MTUS2: variants seen among roughly 807,000 people sequenced by gnomAD.
The protein encoded by MTUS2 is microtubule associated scaffold protein 2.
In MTUS2, 40 loss-of-function variants were observed where a neutral mutation model predicts 114.1. The observed-to-expected ratio is 0.35, with a 90% CI of 0.27 to 0.46. The LOEUF is 0.46. Among genes scored for constraint, MTUS2 ranks in the 20% least tolerant of loss-of-function variants. The pLI is 1.00. For synonymous variants in MTUS2, 688 were observed against 672.0 expected (o/e 1.02, Z -0.37); for missense variants, 1,679 against 1,705.4 (o/e 0.98, Z 0.27).
chr13:28,856,952 GT>G (rs10711846), intron 2 of MTUS2, among the ~76,000 whole-genome samples: 123,907 of 152,118 alleles, frequency 0.81, 50,917 homozygotes, highest in African/African-American at 0.84. Context: ...CATTTATAGT[GT>G]TGCTAACACA....
At chr13:29,041,362 G>A (rs780339557) in intron 4 of MTUS2, among the ~76,000 whole-genome samples, 2 of 152,166 alleles carry the variant, frequency 1.3e-5, no homozygotes, top group African/African-American at 2.4e-5. Flanking sequence ...TTATGGTATA[G>A]TTTGAAGTCA....
chr13:29,436,298 GC>G (rs2138664556), intron 8 of MTUS2, among the ~76,000 whole-genome samples: 1 of 152,126 alleles, frequency 6.6e-6, no homozygotes, highest in East Asian at 1.9e-4. Flanking sequence ...GGAAACTCCT[GC>G]CTTTGCCATT....
intron 5 of MTUS2, among the ~76,000 whole-genome samples, chr13:29,140,648 GT>G (rs1018615402): frequency 6.6e-6 from 1 of 152,064 alleles, no homozygotes; most frequent in Non-Finnish European, 1.5e-5. Context: ...TCATTCGTTT[GT>G]TTTTTTCACC....
chr13:29,214,266 G>A (rs1023555843), intron 5 of MTUS2, among the ~76,000 whole-genome samples: 4 of 151,616 alleles, frequency 2.6e-5, no homozygotes, highest in Middle Eastern at 3.2e-3. Flanking sequence ...CATGTGAGAC[G>A]GGTCTCCTGA....
intron 8 of MTUS2, among the ~76,000 whole-genome samples, chr13:29,377,210 A>T (rs1871822073): frequency 6.6e-6 from 1 of 152,200 alleles, no homozygotes; most frequent in Non-Finnish European, 1.5e-5. Context: ...TAGGCAGAAA[A>T]TTACCAAGGA....
In MTUS2 at chr13:29,389,983, GTA is replaced by G. The variant is rs1221436677; in HGVS notation, c.3117+30512_3117+30513del. Among the ~76,000 whole-genome samples, 15 of 20,826 alleles carry G rather than the reference GTA, an allele frequency of 7.2e-4. 7 individuals carry two copies. Among genetic ancestry groups the G allele is most frequent in the Non-Finnish European group, 1.7e-3 (15 of 8,772 alleles). 13.7% of individuals were successfully genotyped at this position (20,826 alleles called of 152,430 possible). On this transcript the variant is annotated intron_variant, in intron 8 of 15. Coordinates refer to ENST00000612955, the MANE Select transcript of MTUS2 (RefSeq NM_001033602.4). Reference sequence around the variant, plus strand: ...TATATCTGTGTATATACACATACATGTATGTGTATGTATGTATGTGTATATAT... The same window carrying G: ...TATATCTGTGTATATACACATACATGTGTGTATGTATGTATGTGTATATAT...
At position 29,247,497 on chromosome 13, in the gene MTUS2, A is replaced by G. The variant is rs143913120; in HGVS notation, c.2645-34207A>G. ...CCACAGAGTCGGAGAAAATCTTTGCAAACTATGCATCTGATAAAGGACTAA... is the reference window on the plus strand; with the variant it reads ...CCACAGAGTCGGAGAAAATCTTTGCGAACTATGCATCTGATAAAGGACTAA... On this transcript the variant is annotated intron_variant, in intron 5 of 15. Transcript: ENST00000612955. 6.3e-3 allele frequency among the ~76,000 whole-genome samples: 965 copies of G among 152,344 alleles called. 8 individuals carry two copies. The highest frequency in any genetic ancestry group is 0.02 in the African/African-American group (843 of 41,568).
intron 2 of MTUS2, among the ~76,000 whole-genome samples, chr13:28,940,428 A>G (rs1882165208): frequency 6.6e-6 from 1 of 152,220 alleles, no homozygotes; most frequent in African/African-American, 2.4e-5. Flanking sequence ...CCATACAGAC[A>G]GCAAATTGGT....
intron 8 of MTUS2, among the ~76,000 whole-genome samples, chr13:29,397,522 C>G (rs570285882): frequency 3.5e-4 from 53 of 152,284 alleles, no homozygotes; most frequent in African/African-American, 1.3e-3. Flanking sequence ...GGTCTCAGGC[C>G]CCATCCTAGG....
chr13:28,858,120 A>G (rs1876750503), intron 2 of MTUS2, among the ~76,000 whole-genome samples: 1 of 152,214 alleles, frequency 6.6e-6, no homozygotes. Context: ...TTTCCCTTAG[A>G]GGCTAGGTCT....
At chr13:29,345,849 C>G (rs185349805) in intron 7 of MTUS2, among the ~76,000 whole-genome samples, 3 of 151,978 alleles carry the variant, frequency 2.0e-5, no homozygotes, top group Non-Finnish European at 2.9e-5. Flanking sequence ...CAGGGTGCTC[C>G]CTTGATGTGG....
chr13:29,162,591 A>T (rs1893145676), intron 5 of MTUS2, among the ~76,000 whole-genome samples: 1 of 152,228 alleles, frequency 6.6e-6, no homozygotes, highest in African/African-American at 2.4e-5. Context: ...ATACCAAGTG[A>T]TCAGTTAAAA....
chr13:29,422,908 G>GCGTGAGT (rs1357242817), intron 8 of MTUS2, among the ~76,000 whole-genome samples: 2 of 152,146 alleles, frequency 1.3e-5, no homozygotes, highest in South Asian at 2.1e-4. Flanking sequence ...GGGATTACAG[G>GCGTGAGT]CGTGAGTCAC....
chr13:28,868,798 T>G (rs1310783741), intron 2 of MTUS2, among the ~76,000 whole-genome samples: 1 of 152,100 alleles, frequency 6.6e-6, no homozygotes, highest in African/African-American at 2.4e-5. Context: ...ATAAATTCAG[T>G]TTTATATAAG....
At chr13:29,129,128 T>C (rs1385586297) in intron 5 of MTUS2, among the ~76,000 whole-genome samples, 2 of 152,126 alleles carry the variant, frequency 1.3e-5, no homozygotes, top group Non-Finnish European at 2.9e-5. Flanking sequence ...TTTATAAATA[T>C]TTAGTACTAT....
At chr13:29,470,742 A>C (rs1166340492) in intron 9 of MTUS2, among the ~76,000 whole-genome samples, 1 of 152,086 alleles carries the variant, frequency 6.6e-6, no homozygotes, top group Non-Finnish European at 1.5e-5. Flanking sequence ...CTTCCTCTGG[A>C]ACTTCACCTC....
chr13:28,963,620 T>C (rs1883439925), intron 2 of MTUS2, among the ~76,000 whole-genome samples: 2 of 152,182 alleles, frequency 1.3e-5, no homozygotes, highest in East Asian at 1.9e-4. Flanking sequence ...CAAAACCCCT[T>C]TCTTGGCTCT....
Position 29,335,715 on chromosome 13 carries a change from C to T in MTUS2, c.2905+11004C>T, listed in dbSNP as rs114738261. Among the ~76,000 whole-genome samples, 711 of 152,250 alleles carry T rather than the reference C, an allele frequency of 4.7e-3. 6 individuals carry two copies. The highest frequency in any genetic ancestry group is 0.016 in the African/African-American group (660 of 41,536). On this transcript the variant is annotated intron_variant, in intron 7 of 15. Transcript: ENST00000612955. ...AAGAACATATGTGAATTATCGGGGG[C>T]GGGTTCCCCCAATCGGCCTGTCTTG... is the stretch of plus-strand genomic sequence containing the variant.
At chr13:29,338,973 T>C (rs1277273921) in intron 7 of MTUS2, among the ~76,000 whole-genome samples, 1 of 151,918 alleles carries the variant, frequency 6.6e-6, no homozygotes, top group African/African-American at 2.4e-5. Context: ...CAGTGGGAAG[T>C]GCCCTGGTGG....
Sources: gnomAD v4.1 joint callset for allele counts (sites outside exome capture counted in the v4.1 genomes callset) on GRCh38, gnomAD v4.1.1 for gene constraint, MANE v1.5 for transcripts, NCBI Gene and HGNC (gene_info 2026-07-23, HGNC 2026-07-21) for gene names.